The following CXADR variants were observed in gnomAD, a reference collection of about 807,000 sequenced individuals.
The protein encoded by CXADR is CXADR cell adhesion molecule, also known as coxsackievirus and adenovirus receptor.
CXADR carries 20 observed loss-of-function variants against 40.3 expected under a neutral mutation model. The observed-to-expected ratio is 0.50, with a 90% confidence interval of 0.35 to 0.72. The LOEUF (loss-of-function observed/expected upper bound fraction) is 0.72. Among genes scored for constraint, CXADR ranks in the 30% least tolerant of loss-of-function variants. The pLI, the probability that CXADR is intolerant of heterozygous loss-of-function variation, is 0.01. For missense variants in CXADR, 332 were observed against 449.1 expected, an observed-to-expected ratio of 0.74 and a Z score of 2.36; for synonymous variants, 150 against 161.3, an observed-to-expected ratio of 0.93 and a Z score of 0.53.
rs1469589933 is a variant in CXADR, at chr21:17,531,286, G to A, written c.44-15741G>A. On this transcript the variant is annotated intron_variant, in intron 1 of 6. Coordinates refer to ENST00000284878, the MANE Select transcript of CXADR (RefSeq NM_001338.5). Reference sequence around the variant, plus strand: ...TGCACTCTAGCCTGGGCGACGGAACGAGACTCTGTCTCAAAAAAAAAAAAA... The same window carrying A: ...TGCACTCTAGCCTGGGCGACGGAACAAGACTCTGTCTCAAAAAAAAAAAAA... Among the ~76,000 whole-genome samples the A allele has an allele frequency of 4.7e-5, 7 of 148,222 alleles. No individual in the cohort carries two copies. In the East Asian group the frequency reaches 7.8e-4, roughly 17 times the overall value.
At chr21:17,571,559 G>A (rs2061277772), downstream of CXADR, among the ~76,000 whole-genome samples, 1 of 152,148 alleles carries the variant, frequency 6.6e-6, no homozygotes, top group Non-Finnish European at 1.5e-5. Context: ...AGTAAAAATA[G>A]TGTAAGTCTA....
downstream of CXADR, among the ~76,000 whole-genome samples, chr21:17,572,999 A>G (rs559839005): frequency 6.6e-6 from 1 of 152,300 alleles, no homozygotes; most frequent in South Asian, 2.1e-4. Context: ...AAATGGCTAC[A>G]AATTGCTTGA....
At chr21:17,588,220 C>G (rs1187422991) in intron 7 of CXADR, among the ~76,000 whole-genome samples, 2 of 152,100 alleles carry the variant, frequency 1.3e-5, no homozygotes, top group East Asian at 3.9e-4. Context: ...AATGCGGGCT[C>G]TTTTTTGGTT....
the CXADR span, among the ~76,000 whole-genome samples, chr21:17,618,528 C>A: frequency 1.2e-3 from 181 of 152,118 alleles, 1 homozygote; most frequent in Admixed American, 2.0e-3. Context: ...AAATATATTT[C>A]TTTTTCTTTT....
At chr21:17,572,559 T>G (rs1487265207), downstream of CXADR, among the ~76,000 whole-genome samples, 1 of 148,066 alleles carries the variant, frequency 6.8e-6, no homozygotes, top group Non-Finnish European at 1.5e-5. Context: ...AAAGCCCTTC[T>G]TACGGATTCC....
chr21:17,587,249 T>C (rs1731475429), intron 7 of CXADR, among the ~76,000 whole-genome samples: 1 of 152,196 alleles, frequency 6.6e-6, no homozygotes, highest in African/African-American at 2.4e-5. Context: ...TTTGGGTATA[T>C]ACCCAGTAAT....
At chr21:17,516,136 C>G (rs565072762) in intron 1 of CXADR, among the ~76,000 whole-genome samples, 1 of 152,154 alleles carries the variant, frequency 6.6e-6, no homozygotes. Flanking sequence ...CTTTACATAC[C>G]TATATATTCA....
At position 17,586,709 on chromosome 21, in the gene CXADR, T is replaced by G. The variant is rs530895303; in HGVS notation, c.1018-6443T>G. The stretch of plus-strand genomic sequence containing the variant: ...TAAAAATGGATAGCCAAATACCTAT[T>G]AATTTTTGTTTTGTTTTAGTTTTTT... On this transcript the variant is annotated intron_variant, in intron 7 of 7. Coordinates refer to the CXADR transcript ENST00000400169. Among the ~76,000 whole-genome samples, 10 of 152,246 alleles carry G rather than the reference T, an allele frequency of 6.6e-5. No homozygotes were observed. The East Asian group carries it at 1.7e-3, about 26-fold the overall frequency.
chr21:17,559,535 A>G (rs1017306156), intron 4 of CXADR, among the ~76,000 whole-genome samples: 1 of 152,092 alleles, frequency 6.6e-6, no homozygotes, highest in African/African-American at 2.4e-5. Context: ...CCTTTTCTAC[A>G]TAGAATAATC....
At position 17,567,798 on chromosome 21, in the gene CXADR, A is replaced by G; in HGVS notation, c.*2106A>G. The G allele has an allele frequency of 2.1e-6, 2 of 942,182 alleles. No individual in the cohort carries two copies. The highest frequency in any genetic ancestry group is 2.5e-6 in the Non-Finnish European group (2 of 790,380). 58.4% of individuals were successfully genotyped at this position (942,182 alleles called of 1,614,324 possible). A position where few individuals can be genotyped will look rare whatever the true frequency, so the allele number is the denominator to read the frequency against. On this transcript the variant is annotated 3_prime_UTR_variant, in exon 7 of 7. Coordinates refer to ENST00000284878, the MANE Select transcript of CXADR (RefSeq NM_001338.5). ...CCTATTCCTGACTTTCATATAATGA[A>G]AATTATCCTATTGATCTAAGTAGAA...
chr21:17,608,023 G>A, the CXADR span, among the ~76,000 whole-genome samples: 1 of 152,216 alleles, frequency 6.6e-6, no homozygotes, highest in Non-Finnish European at 1.5e-5. Context: ...TAACACTGTG[G>A]TGTGCAGAAA....
intron 1 of CXADR, among the ~76,000 whole-genome samples, chr21:17,543,428 A>G (rs1038127085): frequency 1.3e-5 from 2 of 152,202 alleles, no homozygotes; most frequent in Non-Finnish European, 2.9e-5. Context: ...TAGGTGTCTA[A>G]TTGAAGTTAT....
downstream of CXADR, among the ~76,000 whole-genome samples, chr21:17,572,756 TGA>T (rs2061289289): frequency 1.6e-5 from 1 of 60,774 alleles, no homozygotes; most frequent in African/African-American, 3.7e-5. Context: ...TTAGTGTGGT[TGA>T]AAAAAAAAAT....
downstream of CXADR, chr21:17,594,223 G>A (rs767313416): frequency 3.1e-6 from 5 of 1,613,198 alleles, no homozygotes; most frequent in East Asian, 4.5e-5. Context: ...ATAACCAAAT[G>A]GAACAGGAGG....
At chr21:17,594,134 G>A (rs752167591), downstream of CXADR, 5 of 1,613,094 alleles carry the variant, frequency 3.1e-6, no homozygotes, top group Non-Finnish European at 4.2e-6. Context: ...CAGTGATTCC[G>A]GTCACAATGC....
downstream of CXADR, among the ~76,000 whole-genome samples, chr21:17,596,002 C>T (rs9977638): frequency 0.51 from 76,827 of 151,730 alleles, 21,293 homozygotes; most frequent in African/African-American, 0.74. Context: ...TGGATTTAAT[C>T]TGCATTCCTC....
chr21:17,518,973 G>A (rs2060495284), intron 1 of CXADR: 1 of 1,608,746 alleles, frequency 6.2e-7, no homozygotes, highest in Non-Finnish European at 8.5e-7. Context: ...CCTGAAGTTT[G>A]GCTAACTTTT....
At chr21:17,515,292 A>T (rs1272347052) in intron 1 of CXADR, among the ~76,000 whole-genome samples, 2 of 152,058 alleles carry the variant, frequency 1.3e-5, no homozygotes, top group Non-Finnish European at 2.9e-5. Flanking sequence ...AATAAAACCC[A>T]AAAAGAACTA....
At chr21:17,554,403 G>C (rs1410224204) in intron 3 of CXADR, among the ~76,000 whole-genome samples, 1 of 152,124 alleles carries the variant, frequency 6.6e-6, no homozygotes, top group Non-Finnish European at 1.5e-5. Flanking sequence ...CCTAAGAATG[G>C]GTAAGTGGGA....
Sources: allele counts gnomAD v4.1 joint callset (sites outside exome capture counted in the v4.1 genomes callset), GRCh38; gene constraint gnomAD v4.1.1; transcripts MANE v1.5; gene names NCBI Gene and HGNC (gene_info 2026-07-23, HGNC 2026-07-21).